Variants in KLHL1 observed in about 807,000 individuals in gnomAD.
KLHL1 encodes kelch like family member 1.
In KLHL1, 47 loss-of-function variants were observed where a neutral mutation model predicts 77.7. That is an observed-to-expected ratio of 0.60 (90% CI 0.48 to 0.77). The LOEUF is 0.77. Ranked by LOEUF, KLHL1 falls within the 30% of genes least tolerant of loss-of-function variation. KLHL1 has a pLI of 0.00. For synonymous variants in KLHL1, 360 were observed against 325.2 expected, an observed-to-expected ratio of 1.11 and a Z score of -1.15; for missense variants, 925 against 910.8, an observed-to-expected ratio of 1.02 and a Z score of -0.20.
chr13:69,958,127 A>C (rs944800603), intron 3 of KLHL1, among the ~76,000 whole-genome samples: 1 of 151,720 alleles, frequency 6.6e-6, no homozygotes, highest in Admixed American at 6.6e-5. Flanking sequence ...TCTGTTGTAC[A>C]TATTGCTAAG....
At chr13:69,887,109 C>T (rs1456410060) in intron 4 of KLHL1, among the ~76,000 whole-genome samples, 1 of 152,072 alleles carries the variant, frequency 6.6e-6, no homozygotes, top group Non-Finnish European at 1.5e-5. Flanking sequence ...TGTTTTGGGT[C>T]TAAGATTTTA....
chr13:69,743,305 A>AG (rs1176449989), intron 7 of KLHL1, among the ~76,000 whole-genome samples: 19 of 152,202 alleles, frequency 1.2e-4, no homozygotes, highest in African/African-American at 4.3e-4. Context: ...GAGTCAGGTT[A>AG]GGTGGCGGTA....
At chr13:69,849,392 G>A (rs3012102) in intron 5 of KLHL1, among the ~76,000 whole-genome samples, 141,504 of 151,426 alleles carry the variant, frequency 0.93, 66,345 homozygotes, top group East Asian at 0.99. Flanking sequence ...CCTGAAGCAC[G>A]TTATTCTACA....
In KLHL1 at chr13:69,868,344, G is replaced by A. The variant is rs185561644; in HGVS notation, c.1227+13939C>T. ...AATCTGTAGTTTAAAATATAAACAT[G>A]GTAAAATCATTAATGGTGCAATAAA... On this transcript the variant is annotated intron_variant, in intron 5 of 10. Coordinates refer to ENST00000377844, the MANE Select transcript of KLHL1 (RefSeq NM_020866.3). 2.0e-5 allele frequency among the ~76,000 whole-genome samples: 3 copies of A among 151,762 alleles called. No homozygotes were observed. In the East Asian group the frequency reaches 5.8e-4, roughly 30 times the overall value.
chr13:69,781,683 C>A (rs1435426947), intron 7 of KLHL1, among the ~76,000 whole-genome samples: 2 of 152,072 alleles, frequency 1.3e-5, no homozygotes, highest in African/African-American at 2.4e-5. Flanking sequence ...AAATAGGATA[C>A]AAAATTTGAA....
chr13:69,919,443 A>G (rs759928076), intron 4 of KLHL1, among the ~76,000 whole-genome samples: 1 of 152,082 alleles, frequency 6.6e-6, no homozygotes, highest in Non-Finnish European at 1.5e-5. Context: ...TTTAAACTGG[A>G]TGCTTAGATA....
At chr13:69,879,838 C>T (rs529723371) in intron 5 of KLHL1, among the ~76,000 whole-genome samples, 19 of 151,906 alleles carry the variant, frequency 1.3e-4, no homozygotes, top group Admixed American at 9.2e-4. Context: ...ATGGCAATCA[C>T]GCTGATTCTC....
intron 3 of KLHL1, among the ~76,000 whole-genome samples, chr13:69,945,291 C>T (rs80015632): frequency 6.6e-6 from 1 of 151,584 alleles, no homozygotes; most frequent in Non-Finnish European, 1.5e-5. Flanking sequence ...ACTTCCATAA[C>T]CAAACTTTGT....
At chr13:69,753,650 C>T (rs1004714016) in intron 7 of KLHL1, among the ~76,000 whole-genome samples, 9 of 152,070 alleles carry the variant, frequency 5.9e-5, no homozygotes, top group African/African-American at 1.9e-4. Context: ...TTAAGCTATT[C>T]TATTCAATCA....
intron 1 of KLHL1, among the ~76,000 whole-genome samples, chr13:70,037,926 A>C (rs1240776751): frequency 6.6e-6 from 1 of 152,084 alleles, no homozygotes; most frequent in Admixed American, 6.5e-5. Flanking sequence ...TTTTTTATAT[A>C]CATTTTATAT....
chr13:69,788,352 TC>T (rs1394973518), intron 7 of KLHL1, among the ~76,000 whole-genome samples: 2 of 152,218 alleles, frequency 1.3e-5, no homozygotes, highest in Non-Finnish European at 2.9e-5. Flanking sequence ...AGAGTTCACG[TC>T]CTTTGTAGGG....
At position 69,896,304 on chromosome 13, in the gene KLHL1, C is replaced by G. The variant is rs141929738; in HGVS notation, c.1015-13809G>C. 3.0e-3 allele frequency among the ~76,000 whole-genome samples: 453 copies of G among 152,284 alleles called. 4 individuals carry two copies. Among genetic ancestry groups the G allele is most frequent in the African/African-American group, 0.01 (436 of 41,562 alleles). ...GCTTCCTCTTCTGCTTTTGCAGACT[C>G]ATGCCGCTACACTTGACTAATCCTG... is the stretch of plus-strand genomic sequence containing the variant. On this transcript the variant is annotated intron_variant, in intron 4 of 10. Coordinates refer to ENST00000377844, the MANE Select transcript of KLHL1 (RefSeq NM_020866.3).
At chr13:69,814,190 A>C (rs1335026372) in intron 6 of KLHL1, among the ~76,000 whole-genome samples, 3 of 152,172 alleles carry the variant, frequency 2.0e-5, no homozygotes, top group Non-Finnish European at 4.4e-5. Flanking sequence ...CAGGCTTACC[A>C]TACGCAGAAA....
In KLHL1 at chr13:69,980,978, A is replaced by G. The variant is rs370709701; in HGVS notation, c.498-5176T>C. ...TGGTTTTAGTTTCCATACACCACAC[A>G]GATGTGTTGCTCAGAATAGCTACCA... On this transcript the variant is annotated intron_variant, in intron 1 of 10. Transcript: ENST00000377844. 5.9e-5 allele frequency among the ~76,000 whole-genome samples: 9 copies of G among 152,306 alleles called. No individual in the cohort carries two copies. The East Asian group carries it at 9.6e-4, about 16-fold the overall frequency.
chr13:69,725,496 G>A (rs575259142), intron 8 of KLHL1, among the ~76,000 whole-genome samples: 1 of 152,234 alleles, frequency 6.6e-6, no homozygotes, highest in South Asian at 2.1e-4. Context: ...ATGCTGGAAA[G>A]TCTTGTCTTT....
At position 70,037,300 on chromosome 13, in the gene KLHL1, A is replaced by C. The variant is rs575605283; in HGVS notation, c.498-61498T>G. Among the ~76,000 whole-genome samples the C allele has an allele frequency of 1.7e-3, 253 of 152,136 alleles. 1 individual carries two copies. Among genetic ancestry groups the C allele is most frequent in the African/African-American group, 5.9e-3 (247 of 41,550 alleles). ...TATTAACTTTTTGAAGTGTAATGAC[A>C]CTGGAGAGGTTGCTAGGTTTTTAGT... is the stretch of plus-strand genomic sequence containing the variant. On this transcript the variant is annotated intron_variant, in intron 1 of 10. Transcript: ENST00000377844.
At chr13:70,051,437 G>C (rs1886627505) in intron 1 of KLHL1, among the ~76,000 whole-genome samples, 1 of 151,922 alleles carries the variant, frequency 6.6e-6, no homozygotes, top group Non-Finnish European at 1.5e-5. Context: ...TTTCTGCATA[G>C]TGTTCATATA....
At chr13:69,714,654 C>A (rs985631700) in intron 9 of KLHL1, among the ~76,000 whole-genome samples, 1 of 151,816 alleles carries the variant, frequency 6.6e-6, no homozygotes, top group African/African-American at 2.4e-5. Flanking sequence ...AGTGCAGTGG[C>A]AAATGATGGC....
rs545897729 is a variant in KLHL1, at chr13:69,903,008, CTTATCA to C, written c.1015-20519_1015-20514del. Among the ~76,000 whole-genome samples the C allele has an allele frequency of 3.0e-4, 46 of 151,816 alleles. 1 individual carries two copies. The highest frequency in any genetic ancestry group is 5.7e-4 in the Non-Finnish European group (39 of 67,964). On this transcript the variant is annotated intron_variant, in intron 4 of 10. Coordinates refer to ENST00000377844, the MANE Select transcript of KLHL1 (RefSeq NM_020866.3). The stretch of plus-strand genomic sequence containing the variant: ...GTTAAATATTTCCAATATAGTGTGC[CTTATCA>C]TTTTAAAAGCAACAAGTCTTATTAA...
Sources: gnomAD v4.1 joint callset for allele counts (sites outside exome capture counted in the v4.1 genomes callset) on GRCh38, gnomAD v4.1.1 for gene constraint, MANE v1.5 for transcripts, NCBI Gene and HGNC (gene_info 2026-07-23, HGNC 2026-07-21) for gene names.